The following RALGAPB variants were observed in gnomAD, a reference collection of about 807,000 sequenced individuals.
RALGAPB encodes Ral GTPase activating protein non-catalytic subunit beta.
RALGAPB carries 25 observed loss-of-function variants against 161.1 expected under a neutral mutation model. That is an observed-to-expected ratio of 0.16 (90% CI 0.11 to 0.22). The LOEUF is 0.22. RALGAPB is among the 10% of genes least tolerant of loss of function. RALGAPB has a pLI of 1.00. For synonymous variants in RALGAPB, 629 were observed against 626.1 expected, an observed-to-expected ratio of 1.00 and a Z score of -0.07; for missense variants, 1,391 against 1,815.2, an observed-to-expected ratio of 0.77 and a Z score of 4.25.
chr20:38,536,157 T>C (rs1782833779), intron 16 of RALGAPB, among the ~76,000 whole-genome samples: 1 of 152,184 alleles, frequency 6.6e-6, no homozygotes, highest in African/African-American at 2.4e-5. Context: ...CACCCCCTCC[T>C]CTGACAACCA....
At chr20:38,526,186 T>C in intron 13 of RALGAPB, 144 bp downstream of exon 13, 4 of 953,976 alleles carry the variant, frequency 4.2e-6, no homozygotes, top group East Asian at 5.2e-5. Context: ...AGTTTTTTAA[T>C]GTAAAAAAAT....
Position 38,517,769 on chromosome 20 carries a change from G to A in RALGAPB, c.1201-15G>A. 6.2e-7 allele frequency: 1 copy of A among 1,607,352 alleles called. No homozygotes were observed. Among genetic ancestry groups the A allele is most frequent in the Non-Finnish European group, 8.5e-7 (1 of 1,174,000 alleles). On this transcript the variant is annotated splice_polypyrimidine_tract_variant and intron_variant, in intron 8 of 29. Coordinates refer to ENST00000262879, the MANE Select transcript of RALGAPB (RefSeq NM_020336.4). ...TTTTCATTGGTATGGGTGTATTCTT[G>A]TGTTCGTCTAATAGGTTAGTACTGC...
chr20:38,519,009 G>A (rs573279590), intron 9 of RALGAPB, among the ~76,000 whole-genome samples: 1 of 152,016 alleles, frequency 6.6e-6, no homozygotes, highest in Non-Finnish European at 1.5e-5. Flanking sequence ...TCAGAACTAG[G>A]ATCTATGTCT....
chr20:38,484,587 T>G (rs1029148501), intron 1 of RALGAPB, among the ~76,000 whole-genome samples: 5 of 152,336 alleles, frequency 3.3e-5, no homozygotes, highest in African/African-American at 9.6e-5. Flanking sequence ...TTGATAACAT[T>G]TAAAGAGTAG....
At chr20:38,550,486 A>C (rs181643854) in intron 20 of RALGAPB, among the ~76,000 whole-genome samples, 1 of 152,160 alleles carries the variant, frequency 6.6e-6, no homozygotes, top group Non-Finnish European at 1.5e-5. Flanking sequence ...CCTGTCATCA[A>C]CTCTGTAAGC....
chr20:38,504,495 G>A (rs2085692982), intron 5 of RALGAPB, among the ~76,000 whole-genome samples: 1 of 152,132 alleles, frequency 6.6e-6, no homozygotes, highest in Non-Finnish European at 1.5e-5. Context: ...AGAAAACCTA[G>A]GAAACACTAT....
chr20:38,565,484 A>T lies in RALGAPB; in HGVS notation c.3817+6A>T, dbSNP rs764137339. ...TTCTCCTGTGGAGTCCTTAAGTAAG[A>T]TGATTTTTGCATGGTCCTGTTTTAG... On this transcript the variant is annotated splice_donor_region_variant and intron_variant, in intron 25 of 29. Transcript: ENST00000262879. 9.9e-6 allele frequency: 16 copies of T among 1,612,394 alleles called. No individual in the cohort carries two copies. Among genetic ancestry groups the T allele is most frequent in the Non-Finnish European group, 1.4e-5 (16 of 1,179,168 alleles).
At chr20:38,512,900 C>T (rs979722219) in intron 6 of RALGAPB, among the ~76,000 whole-genome samples, 1 of 152,206 alleles carries the variant, frequency 6.6e-6, no homozygotes, top group African/African-American at 2.4e-5. Flanking sequence ...GCTGGGACTA[C>T]AGGCGCCCAC....
intron 16 of RALGAPB, 54 bp downstream of exon 16, chr20:38,535,261 T>A (rs2086769906): frequency 6.3e-7 from 1 of 1,580,778 alleles, no homozygotes; most frequent in Non-Finnish European, 8.7e-7. Context: ...CTTGGCTGTT[T>A]TTTCTGTATC....
chr20:38,563,114 C>G (rs1601066031), intron 24 of RALGAPB, among the ~76,000 whole-genome samples: 1 of 152,138 alleles, frequency 6.6e-6, no homozygotes, highest in South Asian at 2.1e-4. Flanking sequence ...CCCCTAATCC[C>G]AGTCCTGACA....
intron 21 of RALGAPB, 121 bp downstream of exon 21, chr20:38,551,344 A>G: frequency 8.0e-6 from 9 of 1,130,650 alleles, no homozygotes; most frequent in South Asian, 5.9e-5. Context: ...ATGGGCCTCC[A>G]TCATCCAGGA....
chr20:38,493,219 T>C, intron 3 of RALGAPB, 87 bp downstream of exon 3: 1 of 1,090,526 alleles, frequency 9.2e-7, no homozygotes, highest in Non-Finnish European at 1.3e-6. Context: ...CTGATTTCAT[T>C]GTTAGTCCTC....
intron 16 of RALGAPB, 97 bp downstream of exon 16, chr20:38,535,304 A>T: frequency 7.3e-7 from 1 of 1,377,772 alleles, no homozygotes; most frequent in Non-Finnish European, 1.0e-6. Context: ...TTTAGTGTTG[A>T]TCATGCTCAA....
chr20:38,567,110 A>G lies in RALGAPB; in HGVS notation c.3832A>G (p.Ser1278Gly), dbSNP rs1173024298. The change falls in exon 26 of 30, where the codon AGT (serine) becomes GGT (glycine). Residue 1278 changes from serine (S) to glycine (G), a missense_variant. Coordinates refer to ENST00000262879, the MANE Select transcript of RALGAPB (RefSeq NM_020336.4). ...PVESLTDSLE[S>G]NISDQDSDSN... ...TTACCCCATAGCTGATTCATTGGAAAGTAACATCTCGGACCAAGATAGTGA... is the reference window on the plus strand; with the variant it reads ...TTACCCCATAGCTGATTCATTGGAAGGTAACATCTCGGACCAAGATAGTGA... The G allele has an allele frequency of 6.2e-7, 1 of 1,613,264 alleles. No homozygotes were observed. Among genetic ancestry groups the G allele is most frequent in the African/African-American group, 1.3e-5 (1 of 74,904 alleles).
intron 6 of RALGAPB, among the ~76,000 whole-genome samples, chr20:38,513,324 T>TTTAGTA (rs2086024982): frequency 6.6e-6 from 1 of 151,994 alleles, no homozygotes; most frequent in Non-Finnish European, 1.5e-5. Flanking sequence ...GCCAACATGG[T>TTTAGTA]GAAACCCTGT....
chr20:38,534,021 C>T (rs1258726470), intron 15 of RALGAPB, among the ~76,000 whole-genome samples: 2 of 151,488 alleles, frequency 1.3e-5, no homozygotes, highest in Non-Finnish European at 2.9e-5. Flanking sequence ...TGCCTGTAAT[C>T]CCAGTTACTC....
chr20:38,564,536 TC>T (rs1347547407), intron 24 of RALGAPB, among the ~76,000 whole-genome samples: 2 of 152,224 alleles, frequency 1.3e-5, no homozygotes, highest in African/African-American at 4.8e-5. Flanking sequence ...GAAGTACTTG[TC>T]CATTTCCCCT....
chr20:38,491,348 C>A (rs62203385), intron 2 of RALGAPB, among the ~76,000 whole-genome samples: 1 of 150,608 alleles, frequency 6.6e-6, no homozygotes, highest in African/African-American at 2.4e-5. Flanking sequence ...TTTTTTTCCC[C>A]TAAGTTAGAA....
chr20:38,498,399 G>A (rs1290710643), intron 4 of RALGAPB, among the ~76,000 whole-genome samples: 2 of 152,194 alleles, frequency 1.3e-5, no homozygotes, highest in African/African-American at 2.4e-5. Context: ...GGTGTACTCT[G>A]TTGACTAACA....
Sources: gnomAD v4.1 joint callset for allele counts (sites outside exome capture counted in the v4.1 genomes callset) on GRCh38, gnomAD v4.1.1 for gene constraint, MANE v1.5 for transcripts, NCBI Gene and HGNC (gene_info 2026-07-23, HGNC 2026-07-21) for gene names.